The following DYNC2I2 variants were observed in gnomAD, a reference collection of about 807,000 sequenced individuals.
DYNC2I2 encodes cytoplasmic dynein 2 intermediate chain 2.
A neutral mutation model predicts 52.0 loss-of-function variants in DYNC2I2; 39 were observed. The ratio of observed to expected loss-of-function variants is 0.75; its 90% CI spans 0.58 to 0.98. DYNC2I2 has a LOEUF of 0.98. DYNC2I2 is among the 50% of genes least tolerant of loss of function. DYNC2I2 has a pLI of 0.00. For synonymous variants in DYNC2I2, 359 were observed against 321.1 expected, an observed-to-expected ratio of 1.12 and a Z score of -1.26; for missense variants, 743 against 728.4, an observed-to-expected ratio of 1.02 and a Z score of -0.23.
chr9:128,664,253 G>A, the DYNC2I2 span, among the ~76,000 whole-genome samples: 14 of 151,252 alleles, frequency 9.3e-5, no homozygotes, highest in African/African-American at 3.4e-4. Flanking sequence ...CGCCCAGCCT[G>A]TTTAGCATAT....
intron 2 of DYNC2I2, among the ~76,000 whole-genome samples, chr9:128,638,083 A>G (rs1265746566): frequency 6.6e-6 from 1 of 152,022 alleles, no homozygotes; most frequent in Non-Finnish European, 1.5e-5. Flanking sequence ...CCAAAAATAC[A>G]AAAATTAGCT....
intron 1 of DYNC2I2, among the ~76,000 whole-genome samples, chr9:128,648,151 G>A (rs959531237): frequency 1.3e-5 from 2 of 152,148 alleles, no homozygotes; most frequent in African/African-American, 2.4e-5. Context: ...GCTCGCACCT[G>A]TAACCTTAGC....
the DYNC2I2 span, among the ~76,000 whole-genome samples, chr9:128,665,663 G>A: frequency 6.6e-6 from 1 of 151,532 alleles, no homozygotes; most frequent in Admixed American, 6.6e-5. Context: ...CCACCTACTT[G>A]GGAGGCTAAG....
upstream of DYNC2I2, among the ~76,000 whole-genome samples, chr9:128,658,721 A>ATTTTTTT (rs746310535): frequency 3.3e-5 from 3 of 91,556 alleles, no homozygotes; most frequent in Non-Finnish European, 6.1e-5. Context: ...ACCTGACCTA[A>ATTTTTTT]TTTTTTTTTT....
At chr9:128,664,810 A>G in the DYNC2I2 span, among the ~76,000 whole-genome samples, 3 of 151,742 alleles carry the variant, frequency 2.0e-5, no homozygotes, top group African/African-American at 4.8e-5. Context: ...AACATTATAC[A>G]TGCAGCACCA....
intron 2 of DYNC2I2, 142 bp downstream of exon 2, chr9:128,640,549 G>T (rs73623574): frequency 1.5e-6 from 2 of 1,311,490 alleles, no homozygotes; most frequent in Non-Finnish European, 2.1e-6. Context: ...GGAACCTAGC[G>T]CAGTACCAGG....
At chr9:128,648,508 A>C (rs923162805) in intron 1 of DYNC2I2, among the ~76,000 whole-genome samples, 24 of 150,524 alleles carry the variant, frequency 1.6e-4, no homozygotes, top group African/African-American at 4.9e-4. Context: ...GGGCAGGGCC[A>C]GGCATGGTGG....
At chr9:128,671,396 G>T in the DYNC2I2 span, among the ~76,000 whole-genome samples, 4 of 151,308 alleles carry the variant, frequency 2.6e-5, no homozygotes, top group Non-Finnish European at 4.4e-5. Context: ...CCGCCTCCTG[G>T]GTTCAAGCAA....
At chr9:128,634,076 T>G (rs1860290311) in intron 8 of DYNC2I2, 94 bp from the exon 9 acceptor site, 1 of 1,558,674 alleles carries the variant, frequency 6.4e-7, no homozygotes. Context: ...TCCTGTTGTG[T>G]GCAGCCACAG....
the DYNC2I2 span, among the ~76,000 whole-genome samples, chr9:128,677,367 C>T: frequency 6.6e-6 from 1 of 152,088 alleles, no homozygotes; most frequent in Non-Finnish European, 1.5e-5. Context: ...TGCCTATATT[C>T]CCAGCTACTT....
At chr9:128,640,009 A>ATTT (rs763407869) in intron 2 of DYNC2I2, among the ~76,000 whole-genome samples, 2 of 7,870 alleles carry the variant, frequency 2.5e-4, no homozygotes, top group South Asian at 5.2e-3. Flanking sequence ...CACAGGAGAC[A>ATTT]TTCTTTTTTT....
the DYNC2I2 span, among the ~76,000 whole-genome samples, chr9:128,665,948 G>A: frequency 3.6e-4 from 55 of 150,796 alleles, no homozygotes; most frequent in Middle Eastern, 3.4e-3. Flanking sequence ...GGTGGCGGGC[G>A]CCTGTAGTCC....
intron 2 of DYNC2I2, among the ~76,000 whole-genome samples, chr9:128,640,217 A>G (rs1190354002): frequency 6.6e-6 from 1 of 150,966 alleles, no homozygotes; most frequent in East Asian, 2.0e-4. Context: ...TCACCGTGTT[A>G]GCCAGGATGG....
At position 128,634,355 on chromosome 9, in the gene DYNC2I2, C is replaced by A. The variant is rs143546789; in HGVS notation, c.1243G>T (p.Gly415Trp). The A allele has an allele frequency of 1.9e-6, 3 of 1,603,950 alleles. No homozygotes were observed. In the South Asian group the frequency reaches 3.3e-5, roughly 18 times the overall value. Residue 415 changes from glycine to tryptophan, a missense_variant, in exon 8 of 9, where the codon GGG becomes TGG. Physicochemically the swap from Gly to Trp is radical, Grantham distance 184. Coordinates refer to ENST00000372715, the MANE Select transcript of DYNC2I2 (RefSeq NM_052844.4). Reference sequence around the variant, plus strand: ...AGCATGGAGTACAGGTGGACATGCCCGTCAGTCCCAGCGCTCAGGAAGAGA... The same window carrying A: ...AGCATGGAGTACAGGTGGACATGCCAGTCAGTCCCAGCGCTCAGGAAGAGA... ...RNLFLSAGTD[G>W]HVHLYSMLQA...
At position 128,656,656 on chromosome 9, in the gene DYNC2I2, A is replaced by C; in HGVS notation, c.71T>G (p.Val24Gly). The change falls in exon 1 of 9, where the codon GTC (valine) becomes GGC (glycine). Residue 24 changes from valine to glycine, a missense_variant. Physicochemically the swap from Val to Gly is moderately radical, Grantham distance 109. Coordinates refer to ENST00000372715, the MANE Select transcript of DYNC2I2 (RefSeq NM_052844.4). The part of the protein sequence containing the change: ...GSAGVAALAT[V>G]GVASGPGPGR... ...CGGCCCCGGGCCGCTCGCAACCCCG[A>C]CTGTCGCCAGCGCCGCAACACCAGC... The C allele has an allele frequency of 6.6e-7, 1 of 1,511,618 alleles. No individual in the cohort carries two copies. The highest frequency in any genetic ancestry group is 8.8e-7 in the Non-Finnish European group (1 of 1,138,642). 93.6% of individuals were successfully genotyped at this position (1,511,618 alleles called of 1,614,324 possible). A position where few individuals can be genotyped will look rare whatever the true frequency, so the allele number is the denominator to read the frequency against.
At chr9:128,634,055 C>CT (rs1860286023) in intron 8 of DYNC2I2, 73 bp from the exon 9 acceptor site, 2 of 1,578,670 alleles carry the variant, frequency 1.3e-6, no homozygotes, top group Non-Finnish European at 1.7e-6. Flanking sequence ...GAGGCTAATG[C>CT]CCGGGTTCAA....
chr9:128,650,078 C>T lies in DYNC2I2; in HGVS notation c.186+6463G>A, dbSNP rs2132175366. 3.5e-5 allele frequency among the ~76,000 whole-genome samples: 2 copies of T among 57,516 alleles called. 1 individual carries two copies. The highest frequency in any genetic ancestry group is 1.1e-3 in the South Asian group (2 of 1,796). The allele number at this position is 57,516 out of a possible 152,430, so 37.7% of individuals were successfully genotyped here. ...TGGTTCTAGTGGTTCTCAAACTTTGCTAAGCATTAGAATCATTTAGGGAGA... is the reference window on the plus strand; with the variant it reads ...TGGTTCTAGTGGTTCTCAAACTTTGTTAAGCATTAGAATCATTTAGGGAGA... On this transcript the variant is annotated intron_variant, in intron 1 of 8. Coordinates refer to ENST00000372715, the MANE Select transcript of DYNC2I2 (RefSeq NM_052844.4).
chr9:128,672,405 GC>G, the DYNC2I2 span, among the ~76,000 whole-genome samples: 12 of 151,556 alleles, frequency 7.9e-5, no homozygotes, highest in South Asian at 2.1e-4. Flanking sequence ...TGTTGGCCAG[GC>G]TAGTCTCAAA....
intron 1 of DYNC2I2, chr9:128,651,412 A>G (rs1221826949): frequency 1.8e-5 from 1 of 54,822 alleles, no homozygotes; most frequent in African/African-American, 3.6e-5. Context: ...CACGGCTGTA[A>G]TCCCAGCTTC....
Sources: allele counts gnomAD v4.1 joint callset (sites outside exome capture counted in the v4.1 genomes callset), GRCh38; gene constraint gnomAD v4.1.1; transcripts MANE v1.5; gene names NCBI Gene and HGNC (gene_info 2026-07-23, HGNC 2026-07-21).